The following HEPACAM2 variants were observed in gnomAD, a reference collection of about 807,000 sequenced individuals.
The protein encoded by HEPACAM2 is mitotic kinetics regulator.
In HEPACAM2, 49 loss-of-function variants were observed where a neutral mutation model predicts 49.6. The ratio of observed to expected loss-of-function variants is 0.99; its 90% CI spans 0.78 to 1.25. The LOEUF is 1.25. Ranked by LOEUF, HEPACAM2 falls within the 50% of genes most tolerant of loss-of-function variation. The pLI is 0.00. For missense variants in HEPACAM2, 525 were observed against 557.2 expected, an observed-to-expected ratio of 0.94 and a Z score of 0.58; for synonymous variants, 197 against 202.9, an observed-to-expected ratio of 0.97 and a Z score of 0.25.
In HEPACAM2 at chr7:93,189,255, G is replaced by C; in HGVS notation, c.*12C>G. The C allele has an allele frequency of 6.3e-7, 1 of 1,594,550 alleles. No homozygotes were observed. On this transcript the variant is annotated 3_prime_UTR_variant, in exon 10 of 10. Coordinates refer to ENST00000394468, the MANE Select transcript of HEPACAM2 (RefSeq NM_001039372.4). ...GAATTTCACTCGAATGTACTGTTTA[G>C]CCCATGAAAGTTCACCTAGTGAAGA...
chr7:93,197,310 G>A, intron 6 of HEPACAM2, 32 bp from the exon 7 acceptor site: 1 of 1,608,882 alleles, frequency 6.2e-7, no homozygotes, highest in Non-Finnish European at 8.5e-7. Context: ...TTTTGTCAGG[G>A]ATAATAATTG....
rs112564097 is a variant in HEPACAM2, at chr7:93,213,814, G to A, written c.715+1587C>T. On this transcript the variant is annotated intron_variant, in intron 3 of 9. Transcript: ENST00000394468. ...GTGACACTGAGGAGGTGAGATAAGTGGAGGCAGGTAAACCTTTCTGGAAAG... is the reference window on the plus strand; with the variant it reads ...GTGACACTGAGGAGGTGAGATAAGTAGAGGCAGGTAAACCTTTCTGGAAAG... 3.3e-3 allele frequency among the ~76,000 whole-genome samples: 501 copies of A among 152,132 alleles called. 3 individuals carry two copies. Among genetic ancestry groups the A allele is most frequent in the Middle Eastern group, 0.031 (9 of 294 alleles).
intron 3 of HEPACAM2, 67 bp downstream of exon 3, chr7:93,215,334 C>G: frequency 7.0e-7 from 1 of 1,424,560 alleles, no homozygotes; most frequent in Non-Finnish European, 9.7e-7. Flanking sequence ...TTCTCTGTGA[C>G]TATCCTGGGA....
intron 2 of HEPACAM2, among the ~76,000 whole-genome samples, chr7:93,215,967 G>A (rs1794299351): frequency 6.6e-6 from 1 of 152,144 alleles, no homozygotes; most frequent in Admixed American, 6.5e-5. Context: ...ATAGGTGGCT[G>A]AGAATGTCAG....
intron 4 of HEPACAM2, among the ~76,000 whole-genome samples, chr7:93,198,946 A>G (rs1213086699): frequency 6.6e-6 from 1 of 152,104 alleles, no homozygotes; most frequent in Admixed American, 6.6e-5. Flanking sequence ...TCTTAATCTT[A>G]CAGGAATCTT....
chr7:93,195,795 C>T (rs1471643279), intron 8 of HEPACAM2, 33 bp downstream of exon 8: 1 of 1,542,546 alleles, frequency 6.5e-7, no homozygotes, highest in Admixed American at 1.7e-5. Flanking sequence ...CAGAATTCTA[C>T]TTCTCGGTTA....
rs200059437 is a variant in HEPACAM2 at position 93,197,523 on chromosome 7, C to T, written c.1100G>A (p.Cys367Tyr). 1.3e-5 allele frequency: 21 copies of T among 1,594,730 alleles called. No homozygotes were observed. In the Admixed American group the frequency reaches 3.1e-4, roughly 23 times the overall value. ...GISLFLIISM[C>Y]LLFLWKKYQP... is the part of the protein sequence containing the mutation. Reference sequence around the variant, plus strand: ...ATATTTTTTCCATAGGAAGAGAAGACACATGGATATAATCAAAAATAGTGA... The same window carrying T: ...ATATTTTTTCCATAGGAAGAGAAGATACATGGATATAATCAAAAATAGTGA... Residue 367 changes from cysteine to tyrosine, a missense_variant, in exon 5 of 10, where the codon TGT becomes TAT. By Grantham distance (194) the Cys-to-Tyr change is radical. Coordinates refer to ENST00000394468, the MANE Select transcript of HEPACAM2 (RefSeq NM_001039372.4).
In HEPACAM2 at chr7:93,208,583, C is replaced by A. The variant is rs146472168; in HGVS notation, c.1009G>T (p.Val337Leu). The A allele has an allele frequency of 1.9e-6, 3 of 1,611,246 alleles. No homozygotes were observed. In the African/African-American group the frequency reaches 4.0e-5, roughly 22 times the overall value. The change falls in exon 4 of 10, where the codon GTA becomes TTA. Residue 337 changes from valine to leucine, a missense_variant. Coordinates refer to ENST00000394468, the MANE Select transcript of HEPACAM2 (RefSeq NM_001039372.4). The part of the protein sequence containing the change: ...ETHFTVIITS[V>L]GLEKLAQKGK... The stretch of plus-strand genomic sequence containing the variant: ...CTTCCTTGTATGTCACACATACCTA[C>A]GGAAGTGATGATAACTGTGAAATGA...
At chr7:93,195,724 T>C in intron 8 of HEPACAM2, 104 bp downstream of exon 8, 2 of 815,518 alleles carry the variant, frequency 2.5e-6, no homozygotes, top group Non-Finnish European at 2.1e-6. Flanking sequence ...TAATGGGTAA[T>C]GCAGCCATTT....
intron 3 of HEPACAM2, among the ~76,000 whole-genome samples, chr7:93,214,467 A>C (rs1009161765): frequency 3.3e-5 from 5 of 152,254 alleles, no homozygotes; most frequent in African/African-American, 1.2e-4. Context: ...TAGTCTTTGC[A>C]TGTGATAGGT....
intron 4 of HEPACAM2, among the ~76,000 whole-genome samples, chr7:93,200,648 G>A (rs1041305205): frequency 1.3e-5 from 2 of 152,116 alleles, no homozygotes; most frequent in Non-Finnish European, 2.9e-5. Flanking sequence ...TGTTTACAAA[G>A]TGAAAGTTGT....
chr7:93,215,316 T>C (rs1794273750), intron 3 of HEPACAM2, 85 bp downstream of exon 3: 2 of 1,264,934 alleles, frequency 1.6e-6, no homozygotes, highest in Non-Finnish European at 2.2e-6. Flanking sequence ...TGACATCTGG[T>C]ACTTATATTC....
chr7:93,202,031 C>A (rs1557634), intron 4 of HEPACAM2, among the ~76,000 whole-genome samples: 6,312 of 22,576 alleles, frequency 0.28, 214 homozygotes, highest in East Asian at 0.44. Flanking sequence ...AAAAAAAAAA[C>A]CAAAAAAAAA....
At chr7:93,196,574 A>T (rs60134687) in intron 7 of HEPACAM2, among the ~76,000 whole-genome samples, 2,147 of 152,198 alleles carry the variant, frequency 0.014, 28 homozygotes, top group East Asian at 0.08. Flanking sequence ...ATATCATTTT[A>T]TTTAATTCTC....
chr7:93,196,864 A>G (rs1793738506), intron 7 of HEPACAM2, among the ~76,000 whole-genome samples: 1 of 152,156 alleles, frequency 6.6e-6, no homozygotes, highest in Non-Finnish European at 1.5e-5. Flanking sequence ...CATGAAACCT[A>G]CCTTAGGAAT....
At chr7:93,201,401 T>C (rs925166721) in intron 4 of HEPACAM2, among the ~76,000 whole-genome samples, 1 of 152,102 alleles carries the variant, frequency 6.6e-6, no homozygotes, top group Non-Finnish European at 1.5e-5. Flanking sequence ...GCTCTCTCCT[T>C]TCTTGTCCTA....
In HEPACAM2 at chr7:93,217,876, C is replaced by CTGTG. The variant is rs138044928; in HGVS notation, c.430+1221_430+1224dup. 5.4e-3 allele frequency among the ~76,000 whole-genome samples: 751 copies of CTGTG among 140,182 alleles called. 5 individuals carry two copies. The highest frequency in any genetic ancestry group is 0.024 in the South Asian group (102 of 4,176). The allele number at this position is 140,182 out of a possible 152,430, so 92.0% of individuals were successfully genotyped here. On this transcript the variant is annotated intron_variant, in intron 2 of 9. Transcript: ENST00000394468. ...TTCTATTTTCTCTGAGCATGTGTGTCTGTGTGTGTGTGTGTGTGTGTGTGT... is the reference window on the plus strand; with the variant it reads ...TTCTATTTTCTCTGAGCATGTGTGTCTGTGTGTGTGTGTGTGTGTGTGTGTGTGT...
In HEPACAM2 at chr7:93,208,693, T is replaced by G. The variant is rs1484880341; in HGVS notation, c.899A>C (p.Glu300Ala). Reference protein sequence around the residue: ...TYIIKHGPRLEVASEKVAQKT... With the variant: ...TYIIKHGPRLAVASEKVAQKT... Reference sequence around the variant, plus strand: ...CTGGGCTACTTTCTCAGATGCAACTTCTAAGCGAGGCCCATGCTTAATGAT... The same window carrying G: ...CTGGGCTACTTTCTCAGATGCAACTGCTAAGCGAGGCCCATGCTTAATGAT... The change falls in exon 4 of 10, where the codon GAA (glutamate) becomes GCA (alanine). Residue 300 changes from glutamate to alanine, a missense_variant. Coordinates refer to ENST00000394468, the MANE Select transcript of HEPACAM2 (RefSeq NM_001039372.4). The G allele has an allele frequency of 6.2e-7, 1 of 1,613,140 alleles. No homozygotes were observed. Among genetic ancestry groups the G allele is most frequent in the Admixed American group, 1.7e-5 (1 of 59,902 alleles).
intron 8 of HEPACAM2, among the ~76,000 whole-genome samples, chr7:93,194,939 T>TTTTTTTTTTTTTA (rs1172777927): frequency 6.7e-6 from 1 of 150,004 alleles, no homozygotes; most frequent in African/African-American, 2.5e-5. Context: ...TTTTTTTTTT[T>TTTTTTTTTTTTTA]CCGGACTGAA....
Sources: gnomAD v4.1 joint callset for allele counts (sites outside exome capture counted in the v4.1 genomes callset) on GRCh38, gnomAD v4.1.1 for gene constraint, MANE v1.5 for transcripts, NCBI Gene and HGNC (gene_info 2026-07-23, HGNC 2026-07-21) for gene names.